Variants in PLCE1 observed in about 807,000 individuals in gnomAD.
The protein encoded by PLCE1 is phospholipase C epsilon 1, also known as 1-phosphatidylinositol 4,5-bisphosphate phosphodiesterase epsilon-1.
In PLCE1, 119 loss-of-function variants were observed where a neutral mutation model predicts 242.8. That is an observed-to-expected ratio of 0.49 (90% confidence interval 0.42 to 0.57). The LOEUF (loss-of-function observed/expected upper bound fraction) is 0.57, where lower values mean the gene tolerates loss of function less well. Among genes scored for constraint, PLCE1 ranks in the 20% least tolerant of loss-of-function variants. The pLI is 0.00. For synonymous variants in PLCE1, 945 were observed against 1,017.4 expected (o/e 0.93, Z 1.35); for missense variants, 2,441 against 2,788.8 (o/e 0.88, Z 2.81).
chr10:94,007,300 T>G (rs1175405514), intron 1 of PLCE1, among the ~76,000 whole-genome samples: 7 of 150,992 alleles, frequency 4.6e-5, no homozygotes, highest in African/African-American at 1.7e-4. Flanking sequence ...GTCATCCACA[T>G]AGAGGTGATA....
At chr10:94,146,486 C>A (rs891982058) in intron 3 of PLCE1, among the ~76,000 whole-genome samples, 1 of 152,178 alleles carries the variant, frequency 6.6e-6, no homozygotes, top group South Asian at 2.1e-4. Flanking sequence ...TCAGTGCAGT[C>A]GGCACAGCCA....
At chr10:94,279,731 A>G (rs370288111) in intron 19 of PLCE1, 51 bp from the exon 20 acceptor site, 2 of 1,599,704 alleles carry the variant, frequency 1.3e-6, no homozygotes, top group Non-Finnish European at 1.7e-6. Flanking sequence ...AAGGTTATAA[A>G]TGAATTCATT....
At chr10:94,260,389 C>T (rs1268039993) in intron 13 of PLCE1, among the ~76,000 whole-genome samples, 1 of 152,170 alleles carries the variant, frequency 6.6e-6, no homozygotes, top group African/African-American at 2.4e-5. Context: ...CATTTCCAGC[C>T]TATCATTTTC....
chr10:94,074,187 C>CT (rs1015998359), intron 2 of PLCE1, among the ~76,000 whole-genome samples: 3,510 of 123,108 alleles, frequency 0.029, 113 homozygotes, highest in African/African-American at 0.064. Flanking sequence ...CCAAGCAGTT[C>CT]TTTTTTTTTT....
chr10:94,279,424 T>C (rs2052105813), intron 19 of PLCE1: 1 of 313,340 alleles, frequency 3.2e-6, no homozygotes, highest in Non-Finnish European at 6.0e-6. Flanking sequence ...GACATACTTC[T>C]GAAAAATTGA....
intron 13 of PLCE1, among the ~76,000 whole-genome samples, chr10:94,260,772 T>C (rs1001196153): frequency 1.3e-5 from 2 of 152,094 alleles, no homozygotes; most frequent in African/African-American, 2.4e-5. Context: ...CAAGCAATCC[T>C]CCTGCCTCAG....
intron 29 of PLCE1, among the ~76,000 whole-genome samples, chr10:94,318,789 G>A (rs1183336567): frequency 6.6e-6 from 1 of 152,194 alleles, no homozygotes; most frequent in Non-Finnish European, 1.5e-5. Flanking sequence ...AGCTGGGCAC[G>A]GTGGCTCACA....
chr10:94,244,593 C>T (rs866833070), intron 7 of PLCE1, among the ~76,000 whole-genome samples: 3 of 152,178 alleles, frequency 2.0e-5, no homozygotes, highest in Non-Finnish European at 4.4e-5. Context: ...TCTGTGTATA[C>T]CTACACACAT....
chr10:94,146,032 G>T (rs2047101228), intron 3 of PLCE1, among the ~76,000 whole-genome samples: 1 of 152,154 alleles, frequency 6.6e-6, no homozygotes, highest in South Asian at 2.1e-4. Flanking sequence ...CCATTTGGTA[G>T]CTGTGGTTAC....
intron 4 of PLCE1, among the ~76,000 whole-genome samples, chr10:94,186,343 A>G (rs1234380020): frequency 6.6e-6 from 1 of 152,198 alleles, no homozygotes; most frequent in East Asian, 1.9e-4. Flanking sequence ...TATCATATAA[A>G]CAGCCATCAA....
At chr10:94,014,000 G>A (rs2061224469) in intron 1 of PLCE1, among the ~76,000 whole-genome samples, 1 of 152,086 alleles carries the variant, frequency 6.6e-6, no homozygotes, top group Admixed American at 6.5e-5. Context: ...TTTCACGGTG[G>A]GCAGGCAGGG....
intron 3 of PLCE1, among the ~76,000 whole-genome samples, chr10:94,134,827 G>A (rs1484467140): frequency 6.6e-6 from 1 of 152,178 alleles, no homozygotes; most frequent in Non-Finnish European, 1.5e-5. Context: ...TCACCAGACT[G>A]TCAGCTAATG....
chr10:94,245,523 G>A (rs967457690), intron 7 of PLCE1, among the ~76,000 whole-genome samples: 1 of 151,246 alleles, frequency 6.6e-6, no homozygotes, highest in African/African-American at 2.4e-5. Flanking sequence ...TTTTTGCTCT[G>A]TCGCCTAGGC....
intron 4 of PLCE1, among the ~76,000 whole-genome samples, chr10:94,192,229 G>T (rs1034377021): frequency 2.0e-5 from 3 of 152,108 alleles, no homozygotes; most frequent in African/African-American, 2.4e-5. Context: ...GTATGTGCAG[G>T]TTTGTTTCAT....
chr10:94,321,084 T>G (rs1292778035), intron 29 of PLCE1, among the ~76,000 whole-genome samples: 1 of 152,128 alleles, frequency 6.6e-6, no homozygotes, highest in Non-Finnish European at 1.5e-5. Context: ...TACTGTGAAT[T>G]TTGTCAAAAT....
intron 1 of PLCE1, among the ~76,000 whole-genome samples, chr10:94,016,425 G>A (rs1277474664): frequency 6.6e-6 from 1 of 152,068 alleles, no homozygotes; most frequent in African/African-American, 2.4e-5. Flanking sequence ...TATATGTATA[G>A]CTTAAAGGTA....
intron 3 of PLCE1, among the ~76,000 whole-genome samples, chr10:94,167,349 T>C (rs2047838391): frequency 6.6e-6 from 1 of 152,132 alleles, no homozygotes. Context: ...ATTTTAACCA[T>C]AACAATTTTA....
At chr10:94,254,064 T>A (rs1244781185) in intron 9 of PLCE1, 126 bp from the exon 10 acceptor site, 6 of 780,562 alleles carry the variant, frequency 7.7e-6, no homozygotes, top group Non-Finnish European at 1.4e-5. Context: ...TGTAGGTCTT[T>A]ACCGGTTTTA....
At chr10:94,076,939 CA>C (rs1217070482) in intron 2 of PLCE1, among the ~76,000 whole-genome samples, 1 of 151,968 alleles carries the variant, frequency 6.6e-6, no homozygotes, top group Admixed American at 6.6e-5. Context: ...TAAAATCTAC[CA>C]AGCTGAAACA....
Sources: allele counts gnomAD v4.1 joint callset (sites outside exome capture counted in the v4.1 genomes callset), GRCh38; gene constraint gnomAD v4.1.1; transcripts MANE v1.5; gene names NCBI Gene and HGNC (gene_info 2026-07-23, HGNC 2026-07-21).